The following DNAH2 variants were observed in gnomAD, a reference collection of about 807,000 sequenced individuals.
DNAH2 encodes the protein dynein axonemal heavy chain 2, also known as axonemal beta dynein heavy chain 2.
A neutral mutation model predicts 523.5 loss-of-function variants in DNAH2; 323 were observed. The observed-to-expected ratio is 0.62, with a 90% CI of 0.56 to 0.68. The LOEUF is 0.68. Ranked by LOEUF, DNAH2 falls within the 30% of genes least tolerant of loss-of-function variation. DNAH2 has a pLI of 0.00. For missense variants in DNAH2, 4,907 were observed against 5,701.5 expected, an observed-to-expected ratio of 0.86 and a Z score of 4.49; for synonymous variants, 2,093 against 2,177.4, an observed-to-expected ratio of 0.96 and a Z score of 1.08.
In DNAH2 at chr17:7,804,988, G is replaced by A. The variant is rs2077329212; in HGVS notation, c.9214G>A (p.Val3072Ile). The A allele has an allele frequency of 3.7e-6, 6 of 1,614,180 alleles. No individual in the cohort carries two copies. Among genetic ancestry groups the A allele is most frequent in the Non-Finnish European group, 5.1e-6 (6 of 1,180,030 alleles). The stretch of plus-strand genomic sequence containing the variant: ...AACAGCCAACAGTGAAAAGATTGCA[G>A]TTGAGGAAATCAAGTGTCAGGCACT... ...AVTANSEKIAVEEIKCQALAD... is the reference protein window; with the variant it reads ...AVTANSEKIAIEEIKCQALAD... The change falls in exon 60 of 86, where the codon GTT becomes ATT. Residue 3072 changes from valine to isoleucine, a missense_variant. Around this residue, in one of 3 missense-constraint regions of DNAH2, gnomAD observed 1,851 missense variants for 2,139.4 expected, o/e 0.87. Transcript: ENST00000572933.
intron 46 of DNAH2, 25 bp downstream of exon 46, chr17:7,792,368 G>GA: frequency 6.2e-7 from 1 of 1,610,810 alleles, no homozygotes; most frequent in Non-Finnish European, 8.5e-7. Context: ...TGGGTGTGAG[G>GA]AGGGCATGGG....
intron 4 of DNAH2, among the ~76,000 whole-genome samples, chr17:7,728,459 G>T (rs2151128257): frequency 6.6e-6 from 1 of 152,216 alleles, no homozygotes; most frequent in South Asian, 2.1e-4. Flanking sequence ...ATGGGCAGAA[G>T]AACTTTTGCC....
chr17:7,737,925 G>C (rs1157472266), intron 8 of DNAH2: 1 of 699,664 alleles, frequency 1.4e-6, no homozygotes, highest in Non-Finnish European at 2.6e-6. Flanking sequence ...TGGGTGTCAA[G>C]GAGGTGGGGA....
At position 7,780,931 on chromosome 17, in the gene DNAH2, A is replaced by C. The variant is rs532149216; in HGVS notation, c.6004-111A>C. 6.3e-7 allele frequency: 1 copy of C among 1,587,586 alleles called. No homozygotes were observed. Among genetic ancestry groups the C allele is most frequent in the Admixed American group, 1.7e-5 (1 of 59,426 alleles). ...TCCCCGTGTTGCCCGCTGCTTTGCT[A>C]ATGGCTAACTGGTGTATCCATTGTT... On this transcript the variant is annotated intron_variant, in intron 38 of 85. Coordinates refer to ENST00000572933, the MANE Select transcript of DNAH2 (RefSeq NM_020877.5). The surrounding 1 kb of genome is among the most constrained non-coding windows in gnomAD (Gnocchi z 4.4).
At chr17:7,790,625 C>T (rs2076870963) in intron 44 of DNAH2, among the ~76,000 whole-genome samples, 1 of 152,126 alleles carries the variant, frequency 6.6e-6, no homozygotes, top group Non-Finnish European at 1.5e-5. Context: ...TTTTGTTCCC[C>T]TCTCTCCTCC....
At chr17:7,720,094 G>A (rs562719344) in intron 2 of DNAH2, among the ~76,000 whole-genome samples, 194 bp downstream of exon 2, 1 of 152,280 alleles carries the variant, frequency 6.6e-6, no homozygotes, top group East Asian at 1.9e-4. Flanking sequence ...CTCCTGGCCA[G>A]CCTCATCCTT....
At chr17:7,813,150 A>G (rs1291760398) in intron 63 of DNAH2, among the ~76,000 whole-genome samples, 7 of 152,142 alleles carry the variant, frequency 4.6e-5, no homozygotes, top group African/African-American at 1.2e-4. Context: ...TGAATTTTTG[A>G]TAGCTATTAA....
Position 7,821,364 on chromosome 17 carries a change from G to C in DNAH2, c.11137G>C (p.Gly3713Arg). 1 of 1,612,688 alleles carries C rather than the reference G, an allele frequency of 6.2e-7. No individual in the cohort carries two copies. Among genetic ancestry groups the C allele is most frequent in the Admixed American group, 1.7e-5 (1 of 59,934 alleles). ...TGAATACAACTTCTTTCTACGTGGG[G>C]GTGTGGTGAGTTGGGCAGAGAGCAC... Reference protein sequence around the residue: ...MDEYNFFLRGGVVLDREGQMD... With the variant: ...MDEYNFFLRGRVVLDREGQMD... The change falls in exon 73 of 86, where the codon GGT (glycine) becomes CGT (arginine). Residue 3713 changes from glycine to arginine, a missense_variant. Transcript: ENST00000572933. The surrounding 1 kb of genome is among the most constrained non-coding windows in gnomAD (Gnocchi z 5.0).
chr17:7,775,641 C>T (rs11655086), intron 30 of DNAH2, among the ~76,000 whole-genome samples: 69,728 of 148,348 alleles, frequency 0.47, 18,401 homozygotes, highest in East Asian at 0.69. Context: ...GCTGAGATTG[C>T]GCCATTGTAC....
At chr17:7,766,609 T>G in intron 22 of DNAH2, 128 bp downstream of exon 22, 1 of 967,608 alleles carries the variant, frequency 1.0e-6, no homozygotes, top group Non-Finnish European at 1.4e-6. Flanking sequence ...TTTGTTTCAG[T>G]TGAGGTAAAA....
rs139539738 is a variant in DNAH2, at chr17:7,739,669, A to C, written c.1171-64A>C. 1,857 of 1,483,856 alleles carry C rather than the reference A, an allele frequency of 1.3e-3. 27 individuals are homozygous for C. The East Asian group carries it at 0.033, about 27-fold the overall frequency. 91.9% of individuals were successfully genotyped at this position (1,483,856 alleles called of 1,614,324 possible). A position where few individuals can be genotyped will look rare whatever the true frequency, so the allele number is the denominator to read the frequency against. ...GTTTTTAGACATTTGAAGCTAAACC[A>C]AATAGCTTAGGACTTTGGAGTTTGG... On this transcript the variant is annotated intron_variant, in intron 8 of 85. Coordinates refer to ENST00000572933, the MANE Select transcript of DNAH2 (RefSeq NM_020877.5).
Position 7,754,252 on chromosome 17 carries a change from T to G in DNAH2, c.1905-2839T>G. 3.9e-6 allele frequency: 1 copy of G among 254,462 alleles called. No homozygotes were observed. The highest frequency in any genetic ancestry group is 7.4e-6 in the Non-Finnish European group (1 of 136,052). 15.8% of individuals were successfully genotyped at this position (254,462 alleles called of 1,614,324 possible). A position where few individuals can be genotyped will look rare whatever the true frequency, so the allele number is the denominator to read the frequency against. On this transcript the variant is annotated intron_variant, in intron 12 of 85. Coordinates refer to ENST00000572933, the MANE Select transcript of DNAH2 (RefSeq NM_020877.5). The surrounding 1 kb of genome is among the most constrained non-coding windows in gnomAD (Gnocchi z 4.6). ...AATATTGTAGAAACTTGGCCAAACT[T>G]AAATGATGGGAAGGAACTAGTAGAT...
At chr17:7,730,839 G>A (rs2074961805) in intron 4 of DNAH2, among the ~76,000 whole-genome samples, 1 of 151,990 alleles carries the variant, frequency 6.6e-6, no homozygotes, top group Non-Finnish European at 1.5e-5. Context: ...CATGAGCTGG[G>A]CACGGTGGCT....
rs201414958 is a variant in DNAH2 at position 7,805,072 on chromosome 17, C to T, written c.9298C>T (p.Arg3100Trp). Residue 3100 changes from arginine to tryptophan, a missense_variant and splice_region_variant, in exon 60 of 86, where the codon CGG (arginine) becomes TGG (tryptophan). By Grantham distance (101) the Arg-to-Trp change is moderately radical. Transcript: ENST00000572933. ...EALPALEEAMRALESLNKKDI... is the reference protein window; with the variant it reads ...EALPALEEAMWALESLNKKDI... ...ACTGCCCGCCCTGGAAGAGGCCATG[C>T]GGGTACCAGGGGCGGGTGCAAGGAT... 25 of 1,613,194 alleles carry T rather than the reference C, an allele frequency of 1.5e-5. No individual in the cohort carries two copies. The highest frequency in any genetic ancestry group is 8.0e-5 in the African/African-American group (6 of 74,990).
chr17:7,739,844 G>T lies in DNAH2; in HGVS notation c.1282G>T (p.Glu428Ter). The part of the protein sequence containing the change: ...PQITRNLLEI[E>*]DIFHKNLHTL... ...GATAACACGGAACTTGCTGGAGATTGAGGACATCTTTCATAAAAATCTGCA... is the reference window on the plus strand; with the variant it reads ...GATAACACGGAACTTGCTGGAGATTTAGGACATCTTTCATAAAAATCTGCA... The change falls in exon 9 of 86, where the codon GAG (glutamate) becomes TAG (stop). Residue 428 changes from glutamate (E) to a stop codon, truncating the protein, a stop_gained. Coordinates refer to ENST00000572933, the MANE Select transcript of DNAH2 (RefSeq NM_020877.5). LOFTEE classifies it high-confidence loss of function. The T allele has an allele frequency of 6.2e-7, 1 of 1,614,040 alleles. No homozygotes were observed. Among genetic ancestry groups the T allele is most frequent in the Non-Finnish European group, 8.5e-7 (1 of 1,180,016 alleles).
chr17:7,722,301 G>C (rs531475195), intron 2 of DNAH2, among the ~76,000 whole-genome samples: 1 of 152,036 alleles, frequency 6.6e-6, no homozygotes, highest in Non-Finnish European at 1.5e-5. Flanking sequence ...CATCGTGCCC[G>C]GCCCCCAGTC....
Position 7,824,210 on chromosome 17 carries a change from G to A in DNAH2, c.11568G>A (p.Glu3856=), listed in dbSNP as rs1265156141. Residue 3856 remains glutamate, a synonymous_variant, in exon 76 of 86, where the codon GAG becomes GAA. Transcript: ENST00000572933. ...DPTSALLQLA[E]HMGMAQRFHA... is the part of the protein sequence containing the mutation. ...CCAGTGCCCTGCTGCAGCTGGCAGA[G>A]CACATGGGCATGGCCCAGCGCTTCC... is the stretch of plus-strand genomic sequence containing the variant. The A allele has an allele frequency of 1.2e-6, 2 of 1,607,104 alleles. No homozygotes were observed.
At chr17:7,825,435 C>T (rs1160181159) in intron 77 of DNAH2, among the ~76,000 whole-genome samples, 1 of 152,154 alleles carries the variant, frequency 6.6e-6, no homozygotes, top group Admixed American at 6.5e-5. Flanking sequence ...GCATGGGTGC[C>T]TTTCATCATT....
At chr17:7,756,382 C>A (rs1186188558) in intron 12 of DNAH2, among the ~76,000 whole-genome samples, 2 of 150,836 alleles carry the variant, frequency 1.3e-5, no homozygotes, top group Admixed American at 1.3e-4. Flanking sequence ...CTCAAGCAAT[C>A]CTCCCAGCTT....
Sources: gnomAD v4.1 joint callset for allele counts (sites outside exome capture counted in the v4.1 genomes callset) on GRCh38, gnomAD v4.1.1 for gene constraint, gnomAD v4.1.1 regional missense constraint, Gnocchi (gnomAD v3.1) non-coding constraint, MANE v1.5 for transcripts, NCBI Gene and HGNC (gene_info 2026-07-23, HGNC 2026-07-21) for gene names.